Variants in XXYLT1 observed in about 807,000 individuals in gnomAD.
XXYLT1 encodes the protein UDP-xylose:alpha-xyloside alpha-1,3-xylosyltransferase.
Under a neutral mutation model 28.9 loss-of-function variants are expected in XXYLT1, and 20 were observed. The observed-to-expected ratio is 0.69, with a 90% confidence interval of 0.49 to 1.00. The LOEUF (loss-of-function observed/expected upper bound fraction) is 1.00. Among genes scored for constraint, XXYLT1 ranks in the 50% least tolerant of loss-of-function variants. The pLI, the probability that XXYLT1 is intolerant of heterozygous loss-of-function variation, is 0.00. For synonymous variants in XXYLT1, 257 were observed against 253.8 expected (o/e 1.01, Z -0.12); for missense variants, 542 against 560.1 (o/e 0.97, Z 0.33).
chr3:195,159,372 T>C (rs1369435034), intron 2 of XXYLT1, among the ~76,000 whole-genome samples: 2 of 152,180 alleles, frequency 1.3e-5, no homozygotes, highest in Admixed American at 1.3e-4. Flanking sequence ...GTGGCAAAGC[T>C]GATCTCAGAA....
chr3:195,127,939 G>A (rs1718718694), intron 3 of XXYLT1, among the ~76,000 whole-genome samples: 1 of 152,136 alleles, frequency 6.6e-6, no homozygotes, highest in Non-Finnish European at 1.5e-5. Context: ...CATCACATAG[G>A]CTGACATAGT....
intron 1 of XXYLT1, among the ~76,000 whole-genome samples, chr3:195,228,998 A>G (rs746591216): frequency 6.6e-6 from 1 of 151,830 alleles, no homozygotes; most frequent in Non-Finnish European, 1.5e-5. Context: ...CTTTTAGTAG[A>G]GACAGGGTTT....
In XXYLT1 at chr3:195,162,432, C is replaced by A. The variant is rs751954528; in HGVS notation, c.653-5851G>T. ...TAGAGTGATTTATGCAACCTGTTAGCAGCTCTGGTAAAAGGTTTTGGGTCC... is the reference window on the plus strand; with the variant it reads ...TAGAGTGATTTATGCAACCTGTTAGAAGCTCTGGTAAAAGGTTTTGGGTCC... On this transcript the variant is annotated intron_variant, in intron 2 of 3. Transcript: ENST00000310380. 5.3e-5 allele frequency among the ~76,000 whole-genome samples: 8 copies of A among 152,332 alleles called. No individual in the cohort carries two copies. In the East Asian group the frequency reaches 9.6e-4, roughly 18 times the overall value.
intron 3 of XXYLT1, among the ~76,000 whole-genome samples, chr3:195,131,268 AAC>A (rs1718898024): frequency 1.3e-5 from 2 of 152,296 alleles, no homozygotes; most frequent in South Asian, 2.1e-4. Flanking sequence ...TTCATTTCCA[AAC>A]ACACACAGTC....
chr3:195,258,869 C>T (rs1725575860), intron 1 of XXYLT1, among the ~76,000 whole-genome samples: 1 of 152,176 alleles, frequency 6.6e-6, no homozygotes, highest in Non-Finnish European at 1.5e-5. Context: ...TGCAAGAACA[C>T]GGGGACACCG....
chr3:195,107,899 G>A (rs1717242525), intron 3 of XXYLT1, among the ~76,000 whole-genome samples: 1 of 151,904 alleles, frequency 6.6e-6, no homozygotes, highest in South Asian at 2.1e-4. Context: ...CGCACAGTGG[G>A]GCCCTTCTTC....
Position 195,150,127 on chromosome 3 carries a change from G to A in XXYLT1, c.785+6322C>T, listed in dbSNP as rs1720110482. On this transcript the variant is annotated intron_variant, in intron 3 of 3. Transcript: ENST00000310380. The surrounding 1 kb of genome is among the most constrained non-coding windows in gnomAD (Gnocchi z 4.7). ...CACAGAACTTATCAGTGGCCAAGCTGGGACTGTGGATAACGCTGCCACCAC... is the reference window on the plus strand; with the variant it reads ...CACAGAACTTATCAGTGGCCAAGCTAGGACTGTGGATAACGCTGCCACCAC... Among the ~76,000 whole-genome samples the A allele has an allele frequency of 6.6e-6, 1 of 152,066 alleles. No individual in the cohort carries two copies. Among genetic ancestry groups the A allele is most frequent in the African/African-American group, 2.4e-5 (1 of 41,350 alleles).
intron 3 of XXYLT1, among the ~76,000 whole-genome samples, chr3:195,088,069 G>C (rs1057124759): frequency 1.3e-5 from 2 of 152,062 alleles, no homozygotes; most frequent in Non-Finnish European, 2.9e-5. Flanking sequence ...CAGCACAGCG[G>C]TCTGAGATCA....
At chr3:195,098,924 G>T (rs1220192184) in intron 3 of XXYLT1, among the ~76,000 whole-genome samples, 2 of 152,218 alleles carry the variant, frequency 1.3e-5, no homozygotes, top group Non-Finnish European at 2.9e-5. Context: ...GCCCTGAGCG[G>T]CCCTGTTGAC....
intron 1 of XXYLT1, 71 bp downstream of exon 1, chr3:195,270,484 G>GGA: frequency 7.4e-7 from 1 of 1,349,106 alleles, no homozygotes; most frequent in African/African-American, 1.5e-5. Context: ...ATCCCCTCCG[G>GGA]GAGCGCAAAC....
intron 3 of XXYLT1, among the ~76,000 whole-genome samples, chr3:195,142,790 G>A (rs1719561333): frequency 6.6e-6 from 1 of 152,222 alleles, no homozygotes; most frequent in African/African-American, 2.4e-5. Flanking sequence ...GCGCCGAACA[G>A]GGAGGATGGT....
chr3:195,270,537 C>G lies in XXYLT1; in HGVS notation c.504+18G>C. On this transcript the variant is annotated intron_variant, in intron 1 of 3. Transcript: ENST00000310380. ...GGGTGGGCCACCCACCGGGAGCCCC[C>G]AGCCGCGGCCCGCTCACCTTGCACT... 1 of 1,372,208 alleles carries G rather than the reference C, an allele frequency of 7.3e-7. No individual in the cohort carries two copies. 85.0% of individuals were successfully genotyped at this position (1,372,208 alleles called of 1,614,324 possible).
At chr3:195,079,662 G>A (rs9861985) in intron 3 of XXYLT1, among the ~76,000 whole-genome samples, 22,987 of 152,098 alleles carry the variant, frequency 0.15, 1,945 homozygotes, top group East Asian at 0.34. Flanking sequence ...CAGAAGAGCT[G>A]TCCGGGAAGA....
intron 3 of XXYLT1, among the ~76,000 whole-genome samples, chr3:195,074,599 C>T (rs1448087682): frequency 3.3e-5 from 5 of 152,172 alleles, no homozygotes; most frequent in Non-Finnish European, 7.3e-5. Flanking sequence ...CTGGGGTGAT[C>T]CAGGGACATT....
At chr3:195,220,180 T>C (rs1027126485) in intron 2 of XXYLT1, among the ~76,000 whole-genome samples, 2 of 152,124 alleles carry the variant, frequency 1.3e-5, no homozygotes, top group Admixed American at 6.5e-5. Flanking sequence ...ATTACACTGT[T>C]ACCCCGGCTG....
At chr3:195,167,507 C>T (rs576535881) in intron 2 of XXYLT1, among the ~76,000 whole-genome samples, 18 of 152,306 alleles carry the variant, frequency 1.2e-4, no homozygotes, top group African/African-American at 4.3e-4. Flanking sequence ...AGGAGAACAA[C>T]TTGAACCCAG....
Position 195,133,845 on chromosome 3 carries a change from A to T in XXYLT1, c.785+22604T>A, listed in dbSNP as rs1025948914. On this transcript the variant is annotated intron_variant, in intron 3 of 3. Transcript: ENST00000310380. This position sits in a 1 kb window ranked among gnomAD's most constrained non-coding sequence, Gnocchi z 4.4. ...TGATGTATGTGTTTGGCTTGTTTTT[A>T]ACAAAAAAGTTTTAAAAAATTAAAA... Among the ~76,000 whole-genome samples, 13 of 152,210 alleles carry T rather than the reference A, an allele frequency of 8.5e-5. No individual in the cohort carries two copies. Among genetic ancestry groups the T allele is most frequent in the African/African-American group, 3.1e-4 (13 of 41,450 alleles).
At chr3:195,249,553 A>G (rs898595992) in intron 1 of XXYLT1, among the ~76,000 whole-genome samples, 3 of 152,196 alleles carry the variant, frequency 2.0e-5, no homozygotes, top group African/African-American at 7.2e-5. Context: ...CGTGGAAAGG[A>G]GGCAGTCGTG....
At chr3:195,112,081 A>G (rs937136914) in intron 3 of XXYLT1, among the ~76,000 whole-genome samples, 2 of 152,242 alleles carry the variant, frequency 1.3e-5, no homozygotes, top group African/African-American at 4.8e-5. Context: ...ACATTGGTAT[A>G]TACCAAATCA....
Sources: allele counts gnomAD v4.1 joint callset (sites outside exome capture counted in the v4.1 genomes callset), GRCh38; gene constraint gnomAD v4.1.1; non-coding constraint Gnocchi (gnomAD v3.1); transcripts MANE v1.5; gene names NCBI Gene and HGNC (gene_info 2026-07-23, HGNC 2026-07-21).